Variants in UCKL1 observed in about 807,000 individuals in gnomAD.
The protein encoded by UCKL1 is uridine-cytidine kinase 1 like 1, also known as uridine-cytidine kinase-like 1.
UCKL1 carries 65 observed loss-of-function variants against 59.2 expected under a neutral mutation model. The ratio of observed to expected loss-of-function variants is 1.10; its 90% CI spans 0.90 to 1.35. The LOEUF is 1.35. Ranked by LOEUF, UCKL1 falls within the 40% of genes most tolerant of loss-of-function variation. The pLI, the probability that UCKL1 is intolerant of heterozygous loss-of-function variation, is 0.00. For missense variants in UCKL1, 703 were observed against 784.3 expected, an observed-to-expected ratio of 0.90 and a Z score of 1.24; for synonymous variants, 410 against 323.1, an observed-to-expected ratio of 1.27 and a Z score of -2.88.
chr20:63,948,200 G>C (rs1214074120), intron 1 of UCKL1: 1 of 152,272 alleles, frequency 6.6e-6, no homozygotes, highest in Admixed American at 6.5e-5. Context: ...CAGCACCTTG[G>C]CCCTGCAGGT....
In UCKL1 at chr20:63,940,013, T is replaced by C; in HGVS notation, c.1610A>G (p.Asp537Gly). Residue 537 changes from aspartate (D) to glycine (G), a missense_variant, in exon 15 of 15, where the codon GAT becomes GGT. Physicochemically the swap from Asp to Gly is moderately conservative, Grantham distance 94. This residue lies in a region of UCKL1 where 124 missense variants were observed against 161.1 expected (regional missense o/e 0.77). Coordinates refer to ENST00000354216, the MANE Select transcript of UCKL1 (RefSeq NM_017859.4). ...DRYFGTDAVP[D>G]GSDEEEVAYT... ...GGCCACTTCCTCCTCGTCACTGCCATCGGGGACCGCGTCTGTCCCAAAGTA... is the reference window on the plus strand; with the variant it reads ...GGCCACTTCCTCCTCGTCACTGCCACCGGGGACCGCGTCTGTCCCAAAGTA... 1 of 1,553,480 alleles carries C rather than the reference T, an allele frequency of 6.4e-7. No individual in the cohort carries two copies. The highest frequency in any genetic ancestry group is 8.7e-7 in the Non-Finnish European group (1 of 1,145,150).
rs772462330 is a variant in UCKL1, at chr20:63,941,010, G to A, written c.1056C>T (p.Phe352=). 1.1e-5 allele frequency: 17 copies of A among 1,551,396 alleles called. No individual in the cohort carries two copies. Among genetic ancestry groups the A allele is most frequent in the Non-Finnish European group, 1.5e-5 (17 of 1,148,052 alleles). ...GCAGCCGCATCAGTCTCTTGGAGTA[G>A]AAGATGAACTCGTCGCGACTGGTCT... is the stretch of plus-strand genomic sequence containing the variant. ...DKETSRDEFI[F]YSKRLMRLLI... Residue 352 remains phenylalanine (F), a synonymous_variant, in exon 10 of 15, where the codon TTC becomes TTT. Transcript: ENST00000354216.
intron 11 of UCKL1, 32 bp from the exon 12 acceptor site, chr20:63,940,748 C>T: frequency 6.2e-7 from 1 of 1,606,018 alleles, no homozygotes; most frequent in Non-Finnish European, 8.5e-7. Context: ...CGCCCACATC[C>T]CGCCCCAGCA....
At chr20:63,952,398 A>G (rs2057781055) in intron 1 of UCKL1, among the ~76,000 whole-genome samples, 1 of 152,182 alleles carries the variant, frequency 6.6e-6, no homozygotes, top group Non-Finnish European at 1.5e-5. Flanking sequence ...GCAGCTGTGA[A>G]TGGAACCACC....
At position 63,944,398 on chromosome 20, in the gene UCKL1, T is replaced by A. The variant is rs1028565991; in HGVS notation, c.905A>T (p.Glu302Val). 1.6e-5 allele frequency: 25 copies of A among 1,557,382 alleles called. No individual in the cohort carries two copies. Among genetic ancestry groups the A allele is most frequent in the Admixed American group, 3.8e-5 (2 of 52,718 alleles). ...IVQHVHSQLEERELSVRAALA... is the reference protein window; with the variant it reads ...IVQHVHSQLEVRELSVRAALA... Reference sequence around the variant, plus strand: ...GTGGGGACGTGGGACCCCGCTCACCTCCTCCAGCTGGCTGTGCACGTGCTG... The same window carrying A: ...GTGGGGACGTGGGACCCCGCTCACCACCTCCAGCTGGCTGTGCACGTGCTG... Residue 302 changes from glutamate to valine, a missense_variant and splice_region_variant, in exon 7 of 15, where the codon GAG becomes GTG. Glu to Val is a moderately radical substitution (Grantham distance 121). Around this residue, in one of 4 missense-constraint regions of UCKL1, gnomAD observed 156 missense variants for 185.6 expected, o/e 0.84. Transcript: ENST00000354216.
Position 63,940,068 on chromosome 20 carries a change from G to A in UCKL1, c.1568-13C>T, listed in dbSNP as rs772217107. On this transcript the variant is annotated splice_polypyrimidine_tract_variant and intron_variant, in intron 14 of 14. Transcript: ENST00000354216. ...TCGCCAAAGTTCCCTGGAAAAAGGG[G>A]GGGGGGGGTCCAGTGTGGTGGGGCC... 8.0e-6 allele frequency: 12 copies of A among 1,505,144 alleles called. No homozygotes were observed. The highest frequency in any genetic ancestry group is 2.3e-5 in the South Asian group (2 of 87,690). The allele number at this position is 1,505,144 out of a possible 1,614,324, so 93.2% of individuals were successfully genotyped here. A position where few individuals can be genotyped will look rare whatever the true frequency, so the allele number is the denominator to read the frequency against.
At chr20:63,951,001 T>C (rs936607185) in intron 1 of UCKL1, 1 of 1,294,342 alleles carries the variant, frequency 7.7e-7, no homozygotes, top group Admixed American at 3.8e-5. Context: ...GCAGGACCAC[T>C]CCTGTGGGCA....
intron 1 of UCKL1, 103 bp from the exon 2 acceptor site, chr20:63,946,746 G>C: frequency 7.9e-7 from 1 of 1,261,164 alleles, no homozygotes; most frequent in Non-Finnish European, 1.1e-6. Context: ...CCCTCAACAG[G>C]CATGGCTGAG....
At chr20:63,952,524 G>C (rs1224141938) in intron 1 of UCKL1, among the ~76,000 whole-genome samples, 2 of 152,184 alleles carry the variant, frequency 1.3e-5, no homozygotes. Context: ...CGCTCACGGT[G>C]GGGAGGGGTA....
rs116306822 is a variant in UCKL1, at chr20:63,946,048, A to G, written c.412-73T>C. 2.0e-3 allele frequency: 3,153 copies of G among 1,610,014 alleles called. 48 individuals are homozygous for G. In the African/African-American group the frequency reaches 0.038, roughly 19 times the overall value. ...CCCAATGCCAGCGGACAGGGGCTCT[A>G]GGCCTCCCAGGAGCAGCCACGCTGG... On this transcript the variant is annotated intron_variant, in intron 3 of 14. Coordinates refer to ENST00000354216, the MANE Select transcript of UCKL1 (RefSeq NM_017859.4).
intron 1 of UCKL1, chr20:63,950,842 TG>T: frequency 6.6e-7 from 1 of 1,506,906 alleles, no homozygotes. Flanking sequence ...AGGACACGGG[TG>T]GGTGCTCCTG....
At chr20:63,946,382 G>T in intron 2 of UCKL1, 71 bp downstream of exon 2, 1 of 1,521,124 alleles carries the variant, frequency 6.6e-7, no homozygotes. Flanking sequence ...TCCTTCTCCT[G>T]CTCCACAGGC....
chr20:63,951,805 C>G (rs1238528714), intron 1 of UCKL1, among the ~76,000 whole-genome samples: 2 of 152,158 alleles, frequency 1.3e-5, no homozygotes, highest in Non-Finnish European at 2.9e-5. Context: ...ACAGCCACCT[C>G]CCCGCCCACA....
rs995612619 is a variant in UCKL1 at position 63,946,282 on chromosome 20, G to A, written c.305-15C>T. ...GCCTCCCAAGCCTGCCGGCGGGAGT[G>A]GAGACCCTCTGTGAGGAACAGGCAG... On this transcript the variant is annotated splice_polypyrimidine_tract_variant and intron_variant, in intron 2 of 14. Coordinates refer to ENST00000354216, the MANE Select transcript of UCKL1 (RefSeq NM_017859.4). The A allele has an allele frequency of 7.0e-6, 11 of 1,573,668 alleles. No homozygotes were observed. The highest frequency in any genetic ancestry group is 4.1e-5 in the African/African-American group (3 of 73,680).
At position 63,940,037 on chromosome 20, in the gene UCKL1, T is replaced by C; in HGVS notation, c.1586A>G (p.Tyr529Cys). 1 of 1,425,172 alleles carries C rather than the reference T, an allele frequency of 7.0e-7. No individual in the cohort carries two copies. Among genetic ancestry groups the C allele is most frequent in the Non-Finnish European group, 9.5e-7 (1 of 1,051,618 alleles). 88.3% of individuals were successfully genotyped at this position (1,425,172 alleles called of 1,614,324 possible). Reference protein sequence around the residue: ...IPGIGNFGDRYFGTDAVPDGS... With the variant: ...IPGIGNFGDRCFGTDAVPDGS... ...ATCGGGGACCGCGTCTGTCCCAAAG[T>C]AGCGGTCGCCAAAGTTCCCTGGAAA... The change falls in exon 15 of 15, where the codon TAC becomes TGC. Residue 529 changes from tyrosine (Y) to cysteine (C), a missense_variant. Tyr to Cys is a radical substitution (Grantham distance 194). This residue lies in a region of UCKL1 where 124 missense variants were observed against 161.1 expected (regional missense o/e 0.77). Coordinates refer to ENST00000354216, the MANE Select transcript of UCKL1 (RefSeq NM_017859.4).
chr20:63,940,401 T>C lies in UCKL1; in HGVS notation c.1387A>G (p.Met463Val), dbSNP rs1318331850. 1 of 1,611,720 alleles carries C rather than the reference T, an allele frequency of 6.2e-7. No individual in the cohort carries two copies. The highest frequency in any genetic ancestry group is 8.5e-7 in the Non-Finnish European group (1 of 1,179,272). ...DCTVSTGAAA[M>V]MAVRVLLDHD... is the part of the protein sequence containing the mutation. ...ACCAGGAGCACGCGCACTGCCATCA[T>C]GGCCGCCGCGCCCGTGGACACGGTG... Residue 463 changes from methionine to valine, a missense_variant, in exon 13 of 15, where the codon ATG becomes GTG. Coordinates refer to ENST00000354216, the MANE Select transcript of UCKL1 (RefSeq NM_017859.4).
At position 63,940,717 on chromosome 20, in the gene UCKL1, C is replaced by T; in HGVS notation, c.1180-1G>A. 6.2e-7 allele frequency: 1 copy of T among 1,607,838 alleles called. No individual in the cohort carries two copies. Among genetic ancestry groups the T allele is most frequent in the Non-Finnish European group, 8.5e-7 (1 of 1,178,396 alleles). ...CGCGCAGAATGGACACACCGGTGATCTGCGGGGAGGGGAGGCTAAGCGCCC... is the reference window on the plus strand; with the variant it reads ...CGCGCAGAATGGACACACCGGTGATTTGCGGGGAGGGGAGGCTAAGCGCCC... On this transcript the variant is annotated splice_acceptor_variant, in intron 11 of 14. Coordinates refer to ENST00000354216, the MANE Select transcript of UCKL1 (RefSeq NM_017859.4). LOFTEE classifies it high-confidence loss of function.
chr20:63,940,912 A>G (rs2054203629), intron 10 of UCKL1, 38 bp downstream of exon 10: 1 of 1,521,510 alleles, frequency 6.6e-7, no homozygotes, highest in Non-Finnish European at 8.8e-7. Flanking sequence ...ACCGGCTCCA[A>G]GACCCACCCT....
intron 11 of UCKL1, 30 bp from the exon 12 acceptor site, chr20:63,940,746 T>A: frequency 6.2e-7 from 1 of 1,605,788 alleles, no homozygotes; most frequent in Non-Finnish European, 8.5e-7. Flanking sequence ...AGCGCCCACA[T>A]CCCGCCCCAG....
Sources: gnomAD v4.1 joint callset for allele counts (sites outside exome capture counted in the v4.1 genomes callset) on GRCh38, gnomAD v4.1.1 for gene constraint, gnomAD v4.1.1 regional missense constraint, MANE v1.5 for transcripts, NCBI Gene and HGNC (gene_info 2026-07-23, HGNC 2026-07-21) for gene names.